MGMT: variants seen among roughly 807,000 people sequenced by gnomAD.
The protein encoded by MGMT is O-6-methylguanine-DNA methyltransferase, also known as methylated-DNA--protein-cysteine methyltransferase.
Under a neutral mutation model 15.9 loss-of-function variants are expected in MGMT, and 14 were observed. The ratio of observed to expected loss-of-function variants is 0.88; its 90% CI spans 0.58 to 1.37. The LOEUF (loss-of-function observed/expected upper bound fraction) is 1.37. Among genes scored for constraint, MGMT ranks in the 40% most tolerant of loss-of-function variants. The probability of loss-of-function intolerance (pLI) is 0.00; values close to 1 mark genes in which losing one functional copy is unlikely to be tolerated. For missense variants in MGMT, 282 were observed against 268.1 expected (o/e 1.05, Z -0.36); for synonymous variants, 130 against 118.2 (o/e 1.10, Z -0.65).
At chr10:129,561,957 T>C (rs1846285362) in intron 2 of MGMT, among the ~76,000 whole-genome samples, 1 of 152,194 alleles carries the variant, frequency 6.6e-6, no homozygotes, top group African/African-American at 2.4e-5. Flanking sequence ...ACACTTGTAA[T>C]GAGCTGTATA....
chr10:129,634,803 A>G (rs929874758), intron 2 of MGMT, among the ~76,000 whole-genome samples: 7 of 152,016 alleles, frequency 4.6e-5, no homozygotes, highest in African/African-American at 1.5e-4. Context: ...TTTTAGGTCC[A>G]TTTCAATTGA....
chr10:129,741,173 C>T (rs548768111), intron 3 of MGMT, among the ~76,000 whole-genome samples: 1 of 152,318 alleles, frequency 6.6e-6, no homozygotes, highest in Non-Finnish European at 1.5e-5. Context: ...TCAGCCTCCC[C>T]AGCCCTGGTC....
At chr10:129,604,597 G>A (rs985061541) in intron 2 of MGMT, among the ~76,000 whole-genome samples, 1 of 151,624 alleles carries the variant, frequency 6.6e-6, no homozygotes, top group African/African-American at 2.4e-5. Flanking sequence ...CTGAGGACAC[G>A]TGGAGGAGCC....
At chr10:129,633,750 A>G (rs911235852) in intron 2 of MGMT, among the ~76,000 whole-genome samples, 3 of 152,252 alleles carry the variant, frequency 2.0e-5, no homozygotes, top group African/African-American at 7.2e-5. Flanking sequence ...AAAGACAGTA[A>G]CATAAACACA....
chr10:129,630,810 G>C (rs1847201433), intron 2 of MGMT, among the ~76,000 whole-genome samples: 2 of 152,234 alleles, frequency 1.3e-5, no homozygotes. Context: ...CACTTTTTGT[G>C]AATTATTTCA....
intron 2 of MGMT, among the ~76,000 whole-genome samples, chr10:129,682,105 ATC>A (rs1205698010): frequency 2.6e-5 from 4 of 152,138 alleles, no homozygotes; most frequent in Admixed American, 2.0e-4. Context: ...AAAGTTAAGC[ATC>A]TGTTTCCACA....
intron 2 of MGMT, among the ~76,000 whole-genome samples, chr10:129,622,917 C>T (rs1847106353): frequency 6.6e-6 from 1 of 152,172 alleles, no homozygotes; most frequent in Non-Finnish European, 1.5e-5. Context: ...AGCCCCGTTT[C>T]GTTGGCTGGC....
intron 3 of MGMT, chr10:129,717,548 G>A (rs762728233): frequency 2.0e-5 from 3 of 152,150 alleles, no homozygotes; most frequent in Non-Finnish European, 4.4e-5. Flanking sequence ...GATGCATTAA[G>A]CTTTTCATTT....
At chr10:129,642,420 C>T (rs1475089549) in intron 2 of MGMT, among the ~76,000 whole-genome samples, 3 of 151,990 alleles carry the variant, frequency 2.0e-5, no homozygotes, top group African/African-American at 7.3e-5. Context: ...TTACTGTAAA[C>T]ATTCCACCTG....
At chr10:129,575,036 A>G (rs1846463775) in intron 2 of MGMT, among the ~76,000 whole-genome samples, 1 of 152,158 alleles carries the variant, frequency 6.6e-6, no homozygotes, top group Admixed American at 6.5e-5. Context: ...AACCTTGCAG[A>G]GTTCTAACAG....
intron 2 of MGMT, among the ~76,000 whole-genome samples, chr10:129,620,446 T>C (rs1292123536): frequency 6.6e-6 from 1 of 152,196 alleles, no homozygotes; most frequent in Non-Finnish European, 1.5e-5. Flanking sequence ...GCAACTCGAA[T>C]TATGGATTTG....
intron 3 of MGMT, among the ~76,000 whole-genome samples, chr10:129,723,770 G>A (rs1848401667): frequency 6.6e-6 from 1 of 152,146 alleles, no homozygotes; most frequent in Non-Finnish European, 1.5e-5. Context: ...TGGCCCCTGA[G>A]CTCATGAGAA....
chr10:129,474,306 G>A (rs573741112), intron 1 of MGMT, among the ~76,000 whole-genome samples: 1 of 152,328 alleles, frequency 6.6e-6, no homozygotes, highest in Non-Finnish European at 1.5e-5. Context: ...GGCAGAGGAT[G>A]CAGGATGGTG....
intron 1 of MGMT, among the ~76,000 whole-genome samples, chr10:129,514,085 A>G (rs768846677): frequency 1.3e-5 from 2 of 152,202 alleles, no homozygotes; most frequent in African/African-American, 2.4e-5. Context: ...TCATCTGTGA[A>G]TGTTGTTTGA....
intron 2 of MGMT, among the ~76,000 whole-genome samples, chr10:129,687,832 T>A (rs922339915): frequency 1.3e-5 from 2 of 152,118 alleles, no homozygotes; most frequent in African/African-American, 4.8e-5. Flanking sequence ...TATCTCCTAA[T>A]GCTATCCCTC....
intron 2 of MGMT, among the ~76,000 whole-genome samples, chr10:129,558,122 G>A (rs1846236477): frequency 6.6e-6 from 1 of 152,194 alleles, no homozygotes; most frequent in Non-Finnish European, 1.5e-5. Flanking sequence ...CCCGGGGTCA[G>A]GTGTGGATGG....
intron 2 of MGMT, among the ~76,000 whole-genome samples, chr10:129,599,281 A>G (rs929677747): frequency 1.3e-5 from 2 of 152,238 alleles, no homozygotes; most frequent in African/African-American, 4.8e-5. Context: ...TCCACTTGTT[A>G]TAGTTCATGA....
At chr10:129,732,745 C>T (rs1164974962) in intron 3 of MGMT, among the ~76,000 whole-genome samples, 3 of 135,624 alleles carry the variant, frequency 2.2e-5, no homozygotes, top group East Asian at 2.4e-4. Context: ...ATGTGATGTT[C>T]GCCTTCCTGT....
At chr10:129,594,591 C>T (rs1269186780) in intron 2 of MGMT, among the ~76,000 whole-genome samples, 2 of 152,168 alleles carry the variant, frequency 1.3e-5, no homozygotes, top group Non-Finnish European at 2.9e-5. Context: ...TTGGGTCTCA[C>T]AGCTTTCTCC....
Sources: allele counts gnomAD v4.1 joint callset (sites outside exome capture counted in the v4.1 genomes callset), GRCh38; gene constraint gnomAD v4.1.1; transcripts MANE v1.5; gene names NCBI Gene and HGNC (gene_info 2026-07-23, HGNC 2026-07-21).